Variants in ROBO2 observed in about 807,000 individuals in gnomAD.
ROBO2 encodes the protein roundabout homolog 2.
A neutral mutation model predicts 160.8 loss-of-function variants in ROBO2; 53 were observed. That is an observed-to-expected ratio of 0.33 (90% CI 0.26 to 0.41). ROBO2 has a LOEUF of 0.41. Among genes scored for constraint, ROBO2 ranks in the 10% least tolerant of loss-of-function variants. The pLI is 1.00. For missense variants in ROBO2, 1,577 were observed against 1,722.4 expected (o/e 0.92, Z 1.49); for synonymous variants, 664 against 611.7 (o/e 1.09, Z -1.26).
At chr3:76,988,618 G>T (rs892844687) in intron 2 of ROBO2, among the ~76,000 whole-genome samples, 1 of 151,838 alleles carries the variant, frequency 6.6e-6, no homozygotes, top group African/African-American at 2.4e-5. Context: ...ATTTTGATAA[G>T]TGTCTTTATT....
chr3:76,929,219 C>G (rs2077181637), intron 2 of ROBO2, among the ~76,000 whole-genome samples: 1 of 152,156 alleles, frequency 6.6e-6, no homozygotes, highest in Non-Finnish European at 1.5e-5. Flanking sequence ...GAGATTACGC[C>G]ATTGCACTCC....
chr3:77,288,674 A>G (rs1046025477), intron 2 of ROBO2, among the ~76,000 whole-genome samples: 11 of 152,142 alleles, frequency 7.2e-5, no homozygotes, highest in Admixed American at 4.6e-4. Context: ...AAATGGAATC[A>G]CACTTTTCCT....
At chr3:76,146,014 A>G (rs754519470) in intron 2 of ROBO2, among the ~76,000 whole-genome samples, 1 of 151,988 alleles carries the variant, frequency 6.6e-6, no homozygotes, top group Non-Finnish European at 1.5e-5. Flanking sequence ...CCCGCTGTTC[A>G]TCAACTTTAA....
intron 2 of ROBO2, among the ~76,000 whole-genome samples, chr3:76,185,438 CA>C (rs1239078564): frequency 2.6e-5 from 4 of 151,328 alleles, no homozygotes; most frequent in African/African-American, 9.7e-5. Flanking sequence ...AGAAAGGAGG[CA>C]AAAAATTATT....
At chr3:76,101,446 T>C (rs1483678359) in intron 2 of ROBO2, among the ~76,000 whole-genome samples, 1 of 152,142 alleles carries the variant, frequency 6.6e-6, no homozygotes, top group African/African-American at 2.4e-5. Flanking sequence ...ATATAAAGTA[T>C]TCAGAACTCA....
chr3:76,315,230 C>T (rs996137895), intron 2 of ROBO2, among the ~76,000 whole-genome samples: 2 of 152,286 alleles, frequency 1.3e-5, no homozygotes, highest in South Asian at 2.1e-4. Context: ...AATCATCTCA[C>T]TTATGACATG....
chr3:77,450,994 T>C (rs2081060858), intron 2 of ROBO2, among the ~76,000 whole-genome samples: 1 of 152,244 alleles, frequency 6.6e-6, no homozygotes, highest in Admixed American at 6.5e-5. Context: ...CTAGTTTTCT[T>C]GTACATTTTG....
At chr3:77,626,564 G>A (rs1278033727) in intron 23 of ROBO2, among the ~76,000 whole-genome samples, 1 of 152,148 alleles carries the variant, frequency 6.6e-6, no homozygotes, top group Non-Finnish European at 1.5e-5. Flanking sequence ...AAACCGTTGG[G>A]TAACGGGGAG....
At chr3:76,554,968 C>A (rs189349664) in intron 2 of ROBO2, among the ~76,000 whole-genome samples, 1 of 151,264 alleles carries the variant, frequency 6.6e-6, no homozygotes, top group Non-Finnish European at 1.5e-5. Context: ...TTGATGCTTG[C>A]ACAACAAAAG....
chr3:76,646,210 G>A (rs959316960), intron 2 of ROBO2, among the ~76,000 whole-genome samples: 4 of 152,174 alleles, frequency 2.6e-5, no homozygotes. Context: ...TTGTAGTCCT[G>A]GGAAAGCCTG....
intron 2 of ROBO2, among the ~76,000 whole-genome samples, chr3:76,595,149 T>G (rs2108869270): frequency 6.6e-6 from 1 of 152,144 alleles, no homozygotes; most frequent in East Asian, 1.9e-4. Context: ...AATACCCAGC[T>G]TCTAGAACTC....
At chr3:76,791,232 G>C (rs1285868157) in intron 2 of ROBO2, among the ~76,000 whole-genome samples, 1 of 151,738 alleles carries the variant, frequency 6.6e-6, no homozygotes, top group Non-Finnish European at 1.5e-5. Context: ...GTTGAGGACA[G>C]CTCAAAATAA....
intron 2 of ROBO2, among the ~76,000 whole-genome samples, chr3:76,619,264 CG>C (rs2088861645): frequency 6.7e-6 from 1 of 149,796 alleles, no homozygotes; most frequent in South Asian, 2.1e-4. Flanking sequence ...GGCGTGAACC[CG>C]GGAGGCGGAG....
At chr3:76,859,420 T>C (rs892687365) in intron 2 of ROBO2, among the ~76,000 whole-genome samples, 13 of 152,204 alleles carry the variant, frequency 8.5e-5, no homozygotes, top group African/African-American at 3.1e-4. Context: ...AAAGGTTTTC[T>C]GTGGTTCTGC....
intron 2 of ROBO2, among the ~76,000 whole-genome samples, chr3:76,339,677 A>T (rs544471450): frequency 1.3e-5 from 2 of 152,254 alleles, no homozygotes; most frequent in Middle Eastern, 3.4e-3. Flanking sequence ...GCAATTCCAG[A>T]TCACTCACAG....
chr3:76,672,889 T>C (rs1348740185), intron 2 of ROBO2, among the ~76,000 whole-genome samples: 1 of 152,224 alleles, frequency 6.6e-6, no homozygotes, highest in African/African-American at 2.4e-5. Flanking sequence ...AGTTTTAAGC[T>C]TTTCTAATGT....
chr3:77,276,101 C>T (rs1357503214), intron 2 of ROBO2, among the ~76,000 whole-genome samples: 1 of 151,938 alleles, frequency 6.6e-6, no homozygotes, highest in Non-Finnish European at 1.5e-5. Flanking sequence ...TTGTAACCAC[C>T]TTATAGAAAA....
intron 2 of ROBO2, among the ~76,000 whole-genome samples, chr3:76,960,798 A>T (rs1286492083): frequency 6.6e-6 from 1 of 152,174 alleles, no homozygotes; most frequent in Non-Finnish European, 1.5e-5. Context: ...AAAATAAACC[A>T]CTGTAGCACT....
intron 2 of ROBO2, among the ~76,000 whole-genome samples, chr3:76,753,795 CT>C (rs2060815843): frequency 6.6e-6 from 1 of 151,812 alleles, no homozygotes; most frequent in African/African-American, 2.4e-5. Flanking sequence ...AGGGGCTGCT[CT>C]TAGCATTACA....
Sources: allele counts gnomAD v4.1 joint callset (sites outside exome capture counted in the v4.1 genomes callset), GRCh38; gene constraint gnomAD v4.1.1; transcripts MANE v1.5; gene names NCBI Gene and HGNC (gene_info 2026-07-23, HGNC 2026-07-21).